The following PRKD2 variants were observed in gnomAD, a reference collection of about 807,000 sequenced individuals.
PRKD2 encodes protein kinase D2, also known as serine/threonine-protein kinase D2.
In PRKD2, 22 loss-of-function variants were observed where a neutral mutation model predicts 86.0. That is an observed-to-expected ratio of 0.26 (90% CI 0.18 to 0.37). The LOEUF is 0.37. Ranked by LOEUF, PRKD2 falls within the 10% of genes least tolerant of loss-of-function variation. The pLI, the probability that PRKD2 is intolerant of heterozygous loss-of-function variation, is 1.00. For synonymous variants in PRKD2, 509 were observed against 510.9 expected, an observed-to-expected ratio of 1.00 and a Z score of 0.05; for missense variants, 818 against 1,199.2, an observed-to-expected ratio of 0.68 and a Z score of 4.70.
intron 16 of PRKD2, 37 bp from the exon 17 acceptor site, chr19:46,675,155 T>C (rs768234920): frequency 1.7e-5 from 26 of 1,565,576 alleles, no homozygotes; most frequent in Non-Finnish European, 2.3e-5. Flanking sequence ...GCCCTACAGG[T>C]CAAGGGTCAC....
chr19:46,706,524 T>C (rs1220201078), intron 3 of PRKD2, among the ~76,000 whole-genome samples: 1 of 152,216 alleles, frequency 6.6e-6, no homozygotes, highest in Non-Finnish European at 1.5e-5. Context: ...TCATGTGCCT[T>C]CCAGAATTTC....
chr19:46,674,946 C>A (rs1390450837), intron 17 of PRKD2, 87 bp downstream of exon 17: 8 of 1,357,128 alleles, frequency 5.9e-6, no homozygotes, highest in Non-Finnish European at 7.2e-6. Flanking sequence ...AAACCTACAT[C>A]CTTCACAACC....
chr19:46,701,226 T>TTCTTACCCAGACAGC, intron 5 of PRKD2, 114 bp from the exon 6 acceptor site: 1 of 1,116,724 alleles, frequency 9.0e-7, no homozygotes, highest in Non-Finnish European at 1.3e-6. Context: ...GCTGTCTGGG[T>TTCTTACCCAGACAGC]AAGAACACTG....
At chr19:46,713,395 C>T (rs1005552084) in intron 2 of PRKD2, among the ~76,000 whole-genome samples, 2 of 151,920 alleles carry the variant, frequency 1.3e-5, no homozygotes, top group Admixed American at 6.6e-5. Context: ...CTCCTCTTTT[C>T]CCCCTTCTAA....
chr19:46,690,290 C>T (rs1273907109), intron 13 of PRKD2, among the ~76,000 whole-genome samples: 1 of 152,206 alleles, frequency 6.6e-6, no homozygotes, highest in African/African-American at 2.4e-5. Context: ...TCCTAACGTA[C>T]ACACCTGATC....
At chr19:46,683,591 G>A (rs143799523) in intron 14 of PRKD2, among the ~76,000 whole-genome samples, 6,160 of 151,994 alleles carry the variant, frequency 0.041, 318 homozygotes, top group African/African-American at 0.11. Context: ...GGTGGTGGGC[G>A]CCTGTAGTCC....
chr19:46,706,568 AG>A (rs2122130908), intron 3 of PRKD2, among the ~76,000 whole-genome samples: 1 of 152,324 alleles, frequency 6.6e-6, no homozygotes, highest in African/African-American at 2.4e-5. Context: ...AATGAGTCTC[AG>A]GATAGAGTTA....
At chr19:46,705,109 C>T (rs1419190081) in intron 3 of PRKD2, among the ~76,000 whole-genome samples, 2 of 151,156 alleles carry the variant, frequency 1.3e-5, no homozygotes, top group African/African-American at 2.4e-5. Flanking sequence ...CTTGTAGCCC[C>T]GACATCACCC....
rs780577288 is a variant in PRKD2, at chr19:46,678,967, G to C, written c.2071-304C>G. Among the ~76,000 whole-genome samples, 8 of 152,188 alleles carry C rather than the reference G, an allele frequency of 5.3e-5. No individual in the cohort carries two copies. Among genetic ancestry groups the C allele is most frequent in the Non-Finnish European group, 8.8e-5 (6 of 68,038 alleles). On this transcript the variant is annotated intron_variant, in intron 15 of 17. Transcript: ENST00000291281. The surrounding 1 kb of genome is among the most constrained non-coding windows in gnomAD (Gnocchi z 5.7). ...GGCATTCAGTTGGTGCACAATAAATGCTAGCTGCTGCTATACCTCTGCCAC... is the reference window on the plus strand; with the variant it reads ...GGCATTCAGTTGGTGCACAATAAATCCTAGCTGCTGCTATACCTCTGCCAC...
chr19:46,687,620 G>A (rs1483505541), intron 14 of PRKD2, among the ~76,000 whole-genome samples: 1 of 152,192 alleles, frequency 6.6e-6, no homozygotes, highest in Non-Finnish European at 1.5e-5. Flanking sequence ...AAATGAGTTT[G>A]AAGAGTGCTT....
At position 46,683,788 on chromosome 19, in the gene PRKD2, C is replaced by T. The variant is rs148195596; in HGVS notation, c.1972-2040G>A. Among the ~76,000 whole-genome samples, 6 of 152,140 alleles carry T rather than the reference C, an allele frequency of 3.9e-5. No individual in the cohort carries two copies. The South Asian group carries it at 8.3e-4, about 21-fold the overall frequency. On this transcript the variant is annotated intron_variant, in intron 14 of 17. Coordinates refer to ENST00000291281, the MANE Select transcript of PRKD2 (RefSeq NM_016457.5). ...AGCATATCTAAAGATGCATGTAAAACGCTTAGGATAGCTAACCACTGTATG... is the reference window on the plus strand; with the variant it reads ...AGCATATCTAAAGATGCATGTAAAATGCTTAGGATAGCTAACCACTGTATG...
chr19:46,703,599 G>A (rs1490313206), intron 5 of PRKD2, among the ~76,000 whole-genome samples: 1 of 151,852 alleles, frequency 6.6e-6, no homozygotes, highest in Non-Finnish European at 1.5e-5. Context: ...GTGAAACCCC[G>A]TCTCTACTAA....
intron 1 of PRKD2, among the ~76,000 whole-genome samples, chr19:46,714,844 G>T (rs3848528): frequency 0.65 from 99,296 of 151,980 alleles, 32,995 homozygotes; most frequent in African/African-American, 0.79. Context: ...CTGCGGGATT[G>T]AGGCATTTGG....
Position 46,690,706 on chromosome 19 carries a change from C to A in PRKD2, c.1703G>T (p.Gly568Val). 1 of 1,613,816 alleles carries A rather than the reference C, an allele frequency of 6.2e-7. No homozygotes were observed. The highest frequency in any genetic ancestry group is 1.1e-5 in the South Asian group (1 of 91,074). ...GSGQFGVVYG[G>V]KHRKTGRDVA... is the part of the protein sequence containing the mutation. ...GTCCCGGCCTGTCTTCCGGTGTTTT[C>A]CTGCACAGGGAGTAGAAGAGATGGG... is the stretch of plus-strand genomic sequence containing the variant. The change falls in exon 13 of 18, where the codon GGA becomes GTA. Residue 568 changes from glycine to valine, a missense_variant and splice_region_variant. Gly to Val is a moderately radical substitution (Grantham distance 109). Transcript: ENST00000291281.
intron 5 of PRKD2, among the ~76,000 whole-genome samples, chr19:46,702,577 A>G (rs2053651860): frequency 1.3e-5 from 2 of 152,096 alleles, no homozygotes; most frequent in South Asian, 2.1e-4. Context: ...TGATGTTTCT[A>G]TGCTTCTTTA....
intron 14 of PRKD2, among the ~76,000 whole-genome samples, chr19:46,688,155 G>A (rs748609527): frequency 3.9e-5 from 6 of 151,976 alleles, no homozygotes; most frequent in Non-Finnish European, 5.9e-5. Context: ...CTCCCAAAGC[G>A]CTGGGATTAC....
chr19:46,708,790 G>A (rs1325230557), intron 3 of PRKD2, among the ~76,000 whole-genome samples: 2 of 152,126 alleles, frequency 1.3e-5, no homozygotes, highest in African/African-American at 4.8e-5. Flanking sequence ...AGAAGTAAAT[G>A]TCTGTCATTT....
chr19:46,677,846 C>A (rs910953335), intron 16 of PRKD2, among the ~76,000 whole-genome samples: 17 of 152,228 alleles, frequency 1.1e-4, no homozygotes, highest in Admixed American at 9.8e-4. Flanking sequence ...CGTCCCTAGA[C>A]TGGCTCCCTT....
chr19:46,685,119 T>C (rs1170578332), intron 14 of PRKD2, among the ~76,000 whole-genome samples: 3 of 148,416 alleles, frequency 2.0e-5, no homozygotes, highest in Non-Finnish European at 4.5e-5. Flanking sequence ...ATTAGCCCGG[T>C]GTACTGGGAC....
Sources: gnomAD v4.1 joint callset for allele counts (sites outside exome capture counted in the v4.1 genomes callset) on GRCh38, gnomAD v4.1.1 for gene constraint, Gnocchi (gnomAD v3.1) non-coding constraint, MANE v1.5 for transcripts, NCBI Gene and HGNC (gene_info 2026-07-23, HGNC 2026-07-21) for gene names.